C2CD5: variants seen among roughly 807,000 people sequenced by gnomAD.
C2CD5 encodes the protein C2 domain-containing protein 5.
A neutral mutation model predicts 130.3 loss-of-function variants in C2CD5; 109 were observed. That is an observed-to-expected ratio of 0.84 (90% CI 0.72 to 0.98). The LOEUF (loss-of-function observed/expected upper bound fraction) is 0.98. Ranked by LOEUF, C2CD5 falls within the 50% of genes least tolerant of loss-of-function variation. The probability of loss-of-function intolerance (pLI) is 0.00; values close to 1 mark genes in which losing one functional copy is unlikely to be tolerated. For missense variants in C2CD5, 996 were observed against 1,261.8 expected, an observed-to-expected ratio of 0.79 and a Z score of 3.19; for synonymous variants, 454 against 429.2, an observed-to-expected ratio of 1.06 and a Z score of -0.71.
Position 22,471,502 on chromosome 12 carries a change from A to T in C2CD5, c.2269-14T>A. On this transcript the variant is annotated splice_polypyrimidine_tract_variant and intron_variant, in intron 19 of 26. Transcript: ENST00000446597. ...AAAGTACAGGCTCTACACAATAGAA[A>T]ATATTAGTAATGTCACTTTTTTATT... The T allele has an allele frequency of 7.2e-7, 1 of 1,384,306 alleles. No individual in the cohort carries two copies. The highest frequency in any genetic ancestry group is 1.0e-6 in the Non-Finnish European group (1 of 1,003,556). The allele number at this position is 1,384,306 out of a possible 1,614,324, so 85.8% of individuals were successfully genotyped here.
rs780347664 is a variant in C2CD5, at chr12:22,544,145, T to C, written c.6A>G (p.Pro2=). M[P]GKLKVKIVAG... Reference sequence around the variant, plus strand: ...CCACGATTTTCACCTTCAGCTTCCCTGGCATGGTCTCGGTTTCGGCCTCTT... The same window carrying C: ...CCACGATTTTCACCTTCAGCTTCCCCGGCATGGTCTCGGTTTCGGCCTCTT... The change falls in exon 2 of 27, where the codon CCA becomes CCG. Residue 2 remains proline, a synonymous_variant. Transcript: ENST00000446597. 4 of 1,613,700 alleles carry C rather than the reference T, an allele frequency of 2.5e-6. No homozygotes were observed. The highest frequency in any genetic ancestry group is 3.4e-6 in the Non-Finnish European group (4 of 1,179,790).
intron 14 of C2CD5, among the ~76,000 whole-genome samples, chr12:22,479,621 C>T (rs920395586): frequency 6.6e-6 from 1 of 152,060 alleles, no homozygotes; most frequent in African/African-American, 2.4e-5. Flanking sequence ...AACCCAAACG[C>T]ATTTCACTAT....
At chr12:22,451,556 G>A (rs969858209) in intron 26 of C2CD5, among the ~76,000 whole-genome samples, 5 of 152,088 alleles carry the variant, frequency 3.3e-5, no homozygotes, top group Admixed American at 1.3e-4. Context: ...AGAGGAAGAC[G>A]ACTGGTGGTG....
At chr12:22,523,694 A>T in intron 6 of C2CD5, 70 bp from the exon 7 acceptor site, 121 of 961,264 alleles carry the variant, frequency 1.3e-4, no homozygotes, top group Non-Finnish European at 1.7e-4. Flanking sequence ...TGGACATGGT[A>T]GTGGTAAAAA....
At chr12:22,536,647 T>C (rs193078619) in intron 2 of C2CD5, among the ~76,000 whole-genome samples, 2 of 152,312 alleles carry the variant, frequency 1.3e-5, no homozygotes, top group Admixed American at 1.3e-4. Context: ...AAATGTGATA[T>C]AGATATACAA....
At chr12:22,518,874 A>G (rs1043339808) in intron 7 of C2CD5, among the ~76,000 whole-genome samples, 1 of 152,232 alleles carries the variant, frequency 6.6e-6, no homozygotes, top group African/African-American at 2.4e-5. Flanking sequence ...CATACAAAAT[A>G]GCATTATTTG....
Position 22,490,168 on chromosome 12 carries a change from G to C in C2CD5, c.1313C>G (p.Pro438Arg). Residue 438 changes from proline to arginine, a missense_variant, in exon 12 of 27, where the codon CCT becomes CGT. Around this residue, in one of 9 missense-constraint regions of C2CD5, gnomAD observed 590 missense variants for 631.4 expected, o/e 0.93. Coordinates refer to ENST00000446597, the MANE Select transcript of C2CD5 (RefSeq NM_001286176.2). ...SASGTAAVLN[P>R]RFLQDGTVEG... ...CACGGTGCCATCCTGCAGAAATCTAGGATTCAGTACAGCCGCTGTGCCAGA... is the reference window on the plus strand; with the variant it reads ...CACGGTGCCATCCTGCAGAAATCTACGATTCAGTACAGCCGCTGTGCCAGA... The C allele has an allele frequency of 6.2e-7, 1 of 1,613,646 alleles. No individual in the cohort carries two copies. The highest frequency in any genetic ancestry group is 8.5e-7 in the Non-Finnish European group (1 of 1,179,692).
chr12:22,489,740 A>G (rs1325266692), intron 12 of C2CD5, among the ~76,000 whole-genome samples: 1 of 152,090 alleles, frequency 6.6e-6, no homozygotes, highest in Non-Finnish European at 1.5e-5. Flanking sequence ...TAAATTAAGA[A>G]TTGTTTTTTA....
At chr12:22,531,395 T>A (rs1049677555) in intron 3 of C2CD5, among the ~76,000 whole-genome samples, 2 of 152,172 alleles carry the variant, frequency 1.3e-5, no homozygotes, top group African/African-American at 4.8e-5. Flanking sequence ...ACTACAAAGC[T>A]ATAGTAATCA....
chr12:22,487,508 T>C (rs116350210), intron 12 of C2CD5, among the ~76,000 whole-genome samples: 2,978 of 152,246 alleles, frequency 0.02, 97 homozygotes, highest in African/African-American at 0.067. Flanking sequence ...TGAGATACCA[T>C]ACCACACCAG....
chr12:22,493,246 GC>G lies in C2CD5; in HGVS notation c.1238del (p.Gly413AlafsTer24). On this transcript the variant is annotated frameshift_variant, in exon 11 of 27. Coordinates refer to ENST00000446597, the MANE Select transcript of C2CD5 (RefSeq NM_001286176.2). LOFTEE classifies it high-confidence loss of function. The part of the protein sequence containing the change: ...AKALGCHAVV[G>X]YSESTSICEE... ...ACCAGATGCTAGTTGATTCACTGTA[GC>G]CCACTACAGCATGACAGCCTAATGC... 6.2e-7 allele frequency: 1 copy of G among 1,604,036 alleles called. No individual in the cohort carries two copies. The highest frequency in any genetic ancestry group is 8.5e-7 in the Non-Finnish European group (1 of 1,172,022).
chr12:22,486,373 C>A (rs944957148), intron 12 of C2CD5, among the ~76,000 whole-genome samples: 6 of 152,090 alleles, frequency 3.9e-5, no homozygotes, highest in Non-Finnish European at 8.8e-5. Flanking sequence ...TAATCCTAAT[C>A]CAGTTTCCTT....
At chr12:22,522,354 T>C (rs1387847296) in intron 7 of C2CD5, among the ~76,000 whole-genome samples, 1 of 152,168 alleles carries the variant, frequency 6.6e-6, no homozygotes, top group African/African-American at 2.4e-5. Context: ...CTAATCATTA[T>C]GACTGAAAAA....
intron 8 of C2CD5, among the ~76,000 whole-genome samples, chr12:22,514,022 CATAGTT>C (rs1949467910): frequency 6.6e-6 from 1 of 152,088 alleles, no homozygotes; most frequent in Non-Finnish European, 1.5e-5. Context: ...CACAAATGTA[CATAGTT>C]ATGAATGAAA....
Position 22,534,150 on chromosome 12 carries a change from T to C in C2CD5, c.177+1108A>G, listed in dbSNP as rs541906373. On this transcript the variant is annotated intron_variant, in intron 3 of 26. Coordinates refer to ENST00000446597, the MANE Select transcript of C2CD5 (RefSeq NM_001286176.2). ...TTGCAGTGAGCCAAGATCGCACCAT[T>C]GCACTCCAGCCTGGGCAACAAAGCA... 2.8e-3 allele frequency among the ~76,000 whole-genome samples: 433 copies of C among 152,244 alleles called. 7 individuals are homozygous for C. Among genetic ancestry groups the C allele is most frequent in the Non-Finnish European group, 1.4e-3 (94 of 68,010 alleles).
At chr12:22,495,960 T>C (rs1303338072) in intron 10 of C2CD5, among the ~76,000 whole-genome samples, 1 of 152,082 alleles carries the variant, frequency 6.6e-6, no homozygotes, top group African/African-American at 2.4e-5. Context: ...GGCCCTAGAT[T>C]CTAGGTGAAA....
intron 15 of C2CD5, 142 bp from the exon 16 acceptor site, chr12:22,475,033 T>A (rs1943639091): frequency 2.1e-6 from 1 of 485,696 alleles, no homozygotes; most frequent in Non-Finnish European, 3.5e-6. Flanking sequence ...AGTATAACCT[T>A]TAAAACTAAA....
At chr12:22,529,293 C>A (rs1951003183) in intron 3 of C2CD5, among the ~76,000 whole-genome samples, 1 of 152,156 alleles carries the variant, frequency 6.6e-6, no homozygotes, top group Non-Finnish European at 1.5e-5. Flanking sequence ...GTTATGTATA[C>A]ATTTAACAGA....
At chr12:22,473,221 T>C (rs1943323603) in intron 16 of C2CD5, among the ~76,000 whole-genome samples, 1 of 152,134 alleles carries the variant, frequency 6.6e-6, no homozygotes, top group African/African-American at 2.4e-5. Flanking sequence ...TAAACTCTAT[T>C]TTTTTAATAA....
Sources: gnomAD v4.1 joint callset for allele counts (sites outside exome capture counted in the v4.1 genomes callset) on GRCh38, gnomAD v4.1.1 for gene constraint, gnomAD v4.1.1 regional missense constraint, MANE v1.5 for transcripts, NCBI Gene and HGNC (gene_info 2026-07-23, HGNC 2026-07-21) for gene names.